The following SLC24A3 variants were observed in gnomAD, a reference collection of about 807,000 sequenced individuals.
The protein encoded by SLC24A3 is sodium/potassium/calcium exchanger 3.
Under a neutral mutation model 75.8 loss-of-function variants are expected in SLC24A3, and 28 were observed. The observed-to-expected ratio is 0.37, with a 90% CI of 0.27 to 0.51. The LOEUF (loss-of-function observed/expected upper bound fraction) is 0.51, where lower values mean the gene tolerates loss of function less well. Among genes scored for constraint, SLC24A3 ranks in the 20% least tolerant of loss-of-function variants. The pLI, the probability that SLC24A3 is intolerant of heterozygous loss-of-function variation, is 0.94. For missense variants in SLC24A3, 663 were observed against 847.8 expected (o/e 0.78, Z 2.71); for synonymous variants, 372 against 334.1 (o/e 1.11, Z -1.24).
chr20:19,363,660 G>T (rs1470982735), intron 2 of SLC24A3, among the ~76,000 whole-genome samples: 2 of 152,188 alleles, frequency 1.3e-5, no homozygotes, highest in African/African-American at 2.4e-5. Flanking sequence ...TGTGGCCAAA[G>T]AACACACACC....
At chr20:19,338,376 C>A (rs1157211131) in intron 2 of SLC24A3, among the ~76,000 whole-genome samples, 4 of 152,180 alleles carry the variant, frequency 2.6e-5, no homozygotes, top group Non-Finnish European at 5.9e-5. Flanking sequence ...CTGACATTCT[C>A]ACAAGTTCCA....
At chr20:19,670,352 G>C (rs540890026) in intron 8 of SLC24A3, among the ~76,000 whole-genome samples, 54 of 152,166 alleles carry the variant, frequency 3.5e-4, no homozygotes, top group Non-Finnish European at 5.4e-4. Context: ...AGCCTGGTGA[G>C]CCCTGTGTCT....
chr20:19,682,704 A>C (rs1001119680), intron 10 of SLC24A3, among the ~76,000 whole-genome samples: 3 of 152,222 alleles, frequency 2.0e-5, no homozygotes, highest in Non-Finnish European at 4.4e-5. Flanking sequence ...AGTTTAGTGC[A>C]ATGCTCTATA....
chr20:19,520,056 G>A (rs1169940730), intron 3 of SLC24A3, among the ~76,000 whole-genome samples: 3 of 152,134 alleles, frequency 2.0e-5, no homozygotes, highest in African/African-American at 7.2e-5. Flanking sequence ...TCTTCTGGAA[G>A]GCAGATATTT....
intron 9 of SLC24A3, among the ~76,000 whole-genome samples, chr20:19,679,819 A>G (rs1285416588): frequency 6.6e-6 from 1 of 152,200 alleles, no homozygotes; most frequent in African/African-American, 2.4e-5. Context: ...AATTCCACTC[A>G]TTAGAATTGG....
chr20:19,379,952 T>A (rs1986153538), intron 2 of SLC24A3, among the ~76,000 whole-genome samples: 1 of 152,212 alleles, frequency 6.6e-6, no homozygotes, highest in Non-Finnish European at 1.5e-5. Context: ...ATTTAGTAAC[T>A]CATATATATG....
chr20:19,663,485 AT>A (rs1568689706), intron 7 of SLC24A3, among the ~76,000 whole-genome samples: 26 of 23,736 alleles, frequency 1.1e-3, no homozygotes, highest in Non-Finnish European at 1.2e-3. Context: ...CCGCCTTCTC[AT>A]CCTCCTCCTC....
intron 6 of SLC24A3, among the ~76,000 whole-genome samples, chr20:19,609,559 C>G (rs1404463738): frequency 6.6e-6 from 1 of 152,022 alleles, no homozygotes; most frequent in African/African-American, 2.4e-5. Context: ...TAATGCTCTC[C>G]CTCCCCTTGC....
chr20:19,403,985 C>T (rs984011506), intron 2 of SLC24A3, among the ~76,000 whole-genome samples: 3 of 152,214 alleles, frequency 2.0e-5, no homozygotes, highest in African/African-American at 4.8e-5. Flanking sequence ...TGCTTCTGCA[C>T]GGAAGTGCCT....
Position 19,212,968 on chromosome 20 carries a change from C to G in SLC24A3, c.126C>G (p.Ser42Arg). Reference sequence around the variant, plus strand: ...CGCTGCTGCTCTGGTCGCTGTCGAGCCTGCGAGAGCAGAAGGGTGAGTGCA... The same window carrying G: ...CGCTGCTGCTCTGGTCGCTGTCGAGGCTGCGAGAGCAGAAGGGTGAGTGCA... ...SVALLLWSLS[S>R]LREQKELDLM... The change falls in exon 1 of 17, where the codon AGC becomes AGG. Residue 42 changes from serine to arginine, a missense_variant. By Grantham distance (110) the Ser-to-Arg change is moderately radical (BLOSUM62 -1). Transcript: ENST00000328041. 1 of 1,303,450 alleles carries G rather than the reference C, an allele frequency of 7.7e-7. No homozygotes were observed. Among genetic ancestry groups the G allele is most frequent in the African/African-American group, 1.5e-5 (1 of 66,142 alleles). 80.7% of individuals were successfully genotyped at this position (1,303,450 alleles called of 1,614,324 possible).
chr20:19,572,092 C>T (rs978434978), intron 3 of SLC24A3, among the ~76,000 whole-genome samples: 2 of 152,146 alleles, frequency 1.3e-5, no homozygotes, highest in African/African-American at 4.8e-5. Flanking sequence ...ATCCCAGCAA[C>T]TCAGAAGGCT....
At chr20:19,575,898 T>C (rs561265432) in intron 3 of SLC24A3, among the ~76,000 whole-genome samples, 5 of 152,234 alleles carry the variant, frequency 3.3e-5, no homozygotes, top group Admixed American at 1.3e-4. Context: ...AGCTCACTAG[T>C]AGATGAGCTG....
rs549392007 is a variant in SLC24A3, at chr20:19,232,424, A to G, written c.142+19440A>G. Among the ~76,000 whole-genome samples, 22 of 152,358 alleles carry G rather than the reference A, an allele frequency of 1.4e-4. No individual in the cohort carries two copies. In the South Asian group the frequency reaches 3.9e-3, roughly 27 times the overall value. On this transcript the variant is annotated intron_variant, in intron 1 of 16. Coordinates refer to ENST00000328041, the MANE Select transcript of SLC24A3 (RefSeq NM_020689.4). Reference sequence around the variant, plus strand: ...TTTCATGTTGCACTTTTGTGACAACATATTTGAAATAAAGGTCACTGAATT... The same window carrying G: ...TTTCATGTTGCACTTTTGTGACAACGTATTTGAAATAAAGGTCACTGAATT...
intron 2 of SLC24A3, among the ~76,000 whole-genome samples, chr20:19,317,433 G>C (rs1299645699): frequency 1.3e-5 from 2 of 152,110 alleles, no homozygotes; most frequent in Non-Finnish European, 2.9e-5. Context: ...TTTCCACTCT[G>C]CTCTGCAAGA....
intron 2 of SLC24A3, among the ~76,000 whole-genome samples, chr20:19,366,412 G>T (rs1985892303): frequency 6.6e-6 from 1 of 152,194 alleles, no homozygotes; most frequent in South Asian, 2.1e-4. Flanking sequence ...CTTCCATACT[G>T]AAAGGAGGCC....
chr20:19,578,989 C>T (rs899017921), intron 3 of SLC24A3, among the ~76,000 whole-genome samples: 5 of 152,124 alleles, frequency 3.3e-5, no homozygotes, highest in Non-Finnish European at 5.9e-5. Flanking sequence ...TGAGAAATGG[C>T]TCCCTTTGGC....
chr20:19,377,349 A>G (rs6112335), intron 2 of SLC24A3, among the ~76,000 whole-genome samples: 1,981 of 152,222 alleles, frequency 0.013, 35 homozygotes, highest in African/African-American at 0.046. Context: ...AGACAATGGA[A>G]TAGAGCACAG....
chr20:19,212,900 A>T lies in SLC24A3; in HGVS notation c.58A>T (p.Arg20Trp). The T allele has an allele frequency of 7.5e-7, 1 of 1,328,796 alleles. No individual in the cohort carries two copies. 82.3% of individuals were successfully genotyped at this position (1,328,796 alleles called of 1,614,324 possible). ...TCGCCGCCGCCGCCGCCGCCGCCGG[A>T]GGGACCTTCTGCTGAGCCAGCTCTG... The part of the protein sequence containing the change: ...ARRRRRRRRR[R>W]DLLLSQLCFL... Residue 20 changes from arginine (R) to tryptophan (W), a missense_variant, in exon 1 of 17, where the codon AGG (arginine) becomes TGG (tryptophan). Transcript: ENST00000328041.
chr20:19,483,525 G>A (rs1427799837), intron 2 of SLC24A3, among the ~76,000 whole-genome samples: 1 of 152,192 alleles, frequency 6.6e-6, no homozygotes, highest in Non-Finnish European at 1.5e-5. Flanking sequence ...AAGTTCTTAA[G>A]GGTAGGTGGC....
Sources: allele counts gnomAD v4.1 joint callset (sites outside exome capture counted in the v4.1 genomes callset), GRCh38; gene constraint gnomAD v4.1.1; transcripts MANE v1.5; gene names NCBI Gene and HGNC (gene_info 2026-07-23, HGNC 2026-07-21).